Variants in TRAPPC8 observed in about 807,000 individuals in gnomAD.
TRAPPC8 encodes the protein general sporulation gene 1 homolog.
TRAPPC8 carries 54 observed loss-of-function variants against 174.3 expected under a neutral mutation model. The observed-to-expected ratio is 0.31, with a 90% CI of 0.25 to 0.39. TRAPPC8 has a LOEUF of 0.39. Among genes scored for constraint, TRAPPC8 ranks in the 10% least tolerant of loss-of-function variants. The pLI, the probability that TRAPPC8 is intolerant of heterozygous loss-of-function variation, is 1.00. For missense variants in TRAPPC8, 1,531 were observed against 1,699.1 expected, an observed-to-expected ratio of 0.90 and a Z score of 1.74; for synonymous variants, 630 against 579.9, an observed-to-expected ratio of 1.09 and a Z score of -1.24.
At chr18:31,856,182 A>G (rs1308052472) in intron 20 of TRAPPC8, among the ~76,000 whole-genome samples, 1 of 151,772 alleles carries the variant, frequency 6.6e-6, no homozygotes, top group Non-Finnish European at 1.5e-5. Context: ...TCAGCTCACC[A>G]CTGCAACCTC....
chr18:31,896,276 A>T (rs1226241005), intron 11 of TRAPPC8: 1 of 152,234 alleles, frequency 6.6e-6, no homozygotes. Flanking sequence ...CTAGAACAGT[A>T]GAAGTTTAAG....
chr18:31,873,393 G>T lies in TRAPPC8; in HGVS notation c.2062+37C>A. 3.4e-6 allele frequency: 5 copies of T among 1,487,926 alleles called. No individual in the cohort carries two copies. The South Asian group carries it at 4.8e-5, about 14-fold the overall frequency. The allele number at this position is 1,487,926 out of a possible 1,614,324, so 92.2% of individuals were successfully genotyped here. ...AAGGAAAAGAAGTTTTTTTTAAATT[G>T]TCATTAGGTAATTAGGCTAAATAAA... On this transcript the variant is annotated intron_variant, in intron 14 of 28. Transcript: ENST00000283351.
chr18:31,873,235 T>C (rs2034973310), intron 14 of TRAPPC8, among the ~76,000 whole-genome samples, 195 bp downstream of exon 14: 1 of 152,014 alleles, frequency 6.6e-6, no homozygotes, highest in South Asian at 2.1e-4. Flanking sequence ...GCCAGGATGG[T>C]CTCGATCTCC....
intron 9 of TRAPPC8, among the ~76,000 whole-genome samples, chr18:31,907,195 C>T (rs1402590588): frequency 6.6e-6 from 1 of 152,024 alleles, no homozygotes; most frequent in African/African-American, 2.4e-5. Flanking sequence ...GTTGCTCAGG[C>T]TGGTCTCAAA....
chr18:31,851,739 T>A (rs985384678), intron 24 of TRAPPC8, among the ~76,000 whole-genome samples: 1 of 152,156 alleles, frequency 6.6e-6, no homozygotes, highest in Non-Finnish European at 1.5e-5. Flanking sequence ...TGGAGTCTTA[T>A]GTATCTACCT....
At chr18:31,884,699 G>A (rs2035617780) in intron 12 of TRAPPC8, among the ~76,000 whole-genome samples, 2 of 152,128 alleles carry the variant, frequency 1.3e-5, no homozygotes, top group Middle Eastern at 3.4e-3. Context: ...TGTCTTTGAG[G>A]GGGTTTTTTA....
In TRAPPC8 at chr18:31,874,424, C is replaced by T. The variant is rs750498816; in HGVS notation, c.1953+56G>A. ...CGTAAGATATGGTAATAAATAAATACTTTCACACTAAAATACAGTTTTAAT... is the reference window on the plus strand; with the variant it reads ...CGTAAGATATGGTAATAAATAAATATTTTCACACTAAAATACAGTTTTAAT... On this transcript the variant is annotated intron_variant, in intron 13 of 28. Coordinates refer to ENST00000283351, the MANE Select transcript of TRAPPC8 (RefSeq NM_014939.5). The T allele has an allele frequency of 1.3e-5, 20 of 1,482,210 alleles. No homozygotes were observed. In the Admixed American group the frequency reaches 1.5e-4, roughly 11 times the overall value. 91.8% of individuals were successfully genotyped at this position (1,482,210 alleles called of 1,614,324 possible).
rs1174121089 is a variant in TRAPPC8 at position 31,829,832 on chromosome 18, C to T, written c.*923G>A. 1 of 152,560 alleles carries T rather than the reference C, an allele frequency of 6.6e-6. No homozygotes were observed. Among genetic ancestry groups the T allele is most frequent in the Non-Finnish European group, 1.5e-5 (1 of 68,044 alleles). The allele number at this position is 152,560 out of a possible 1,614,324, so 9.5% of individuals were successfully genotyped here. ...TTGAAACAACCTTGCTCCCATTTCT[C>T]TATCTGCAGCAGGGCTGAATTGAAA... On this transcript the variant is annotated 3_prime_UTR_variant, in exon 29 of 29. Transcript: ENST00000283351.
In TRAPPC8 at chr18:31,942,699, C is replaced by A. The variant is rs1309211060; in HGVS notation, c.66G>T (p.Ala22=). Residue 22 remains alanine, a synonymous_variant, in exon 1 of 29, where the codon GCG becomes GCT. Transcript: ENST00000283351. Reference sequence around the variant, plus strand: ...GCCGCTCGGCTTCGTCGCTGCACAGCGCAGCGACACAGGGGACGAAGGAGT... The same window carrying A: ...GCCGCTCGGCTTCGTCGCTGCACAGAGCAGCGACACAGGGGACGAAGGAGT... The part of the protein sequence containing the change: ...IPDSFVPCVA[A]LCSDEAERLT... The A allele has an allele frequency of 6.2e-7, 1 of 1,607,602 alleles. No homozygotes were observed. The highest frequency in any genetic ancestry group is 2.2e-5 in the East Asian group (1 of 44,520).
intron 20 of TRAPPC8, among the ~76,000 whole-genome samples, chr18:31,856,620 T>C (rs2034028031): frequency 6.6e-6 from 1 of 152,078 alleles, no homozygotes; most frequent in East Asian, 1.9e-4. Flanking sequence ...TATATAAGCT[T>C]TACATTTCAA....
intron 16 of TRAPPC8, chr18:31,870,102 A>T (rs111901691): frequency 0.26 from 49,091 of 191,944 alleles, 7,009 homozygotes; most frequent in Middle Eastern, 0.37. Context: ...AAAAAAAAAA[A>T]AAATAAAAAC....
chr18:31,864,646 T>C lies in TRAPPC8; in HGVS notation c.2726A>G (p.Glu909Gly). 1 of 1,612,202 alleles carries C rather than the reference T, an allele frequency of 6.2e-7. No individual in the cohort carries two copies. Among genetic ancestry groups the C allele is most frequent in the Non-Finnish European group, 8.5e-7 (1 of 1,179,308 alleles). The change falls in exon 19 of 29, where the codon GAA becomes GGA. Residue 909 changes from glutamate to glycine, a missense_variant. Coordinates refer to ENST00000283351, the MANE Select transcript of TRAPPC8 (RefSeq NM_014939.5). ...PDRRLDPIIT[E>G]EMPLLEVFFI... is the part of the protein sequence containing the mutation. Reference sequence around the variant, plus strand: ...AAATACCTCCAACAGTGGCATTTCTTCTGTGATTATGGGATCTAAACGTCG... The same window carrying C: ...AAATACCTCCAACAGTGGCATTTCTCCTGTGATTATGGGATCTAAACGTCG...
chr18:31,850,508 GA>G (rs1469288963), intron 24 of TRAPPC8, among the ~76,000 whole-genome samples: 1 of 152,132 alleles, frequency 6.6e-6, no homozygotes, highest in Non-Finnish European at 1.5e-5. Flanking sequence ...GAAAGCATGA[GA>G]TAAGAATTTT....
rs2032256543 is a variant in TRAPPC8, at chr18:31,829,900, T to C, written c.*855A>G. 2 of 152,670 alleles carry C rather than the reference T, an allele frequency of 1.3e-5. No homozygotes were observed. 9.5% of individuals were successfully genotyped at this position (152,670 alleles called of 1,614,324 possible). On this transcript the variant is annotated 3_prime_UTR_variant, in exon 29 of 29. Transcript: ENST00000283351. Reference sequence around the variant, plus strand: ...CCCATTCTCTGAATAAAAAAATATTTTGAAACCAGACTTTCTAATCAACAG... The same window carrying C: ...CCCATTCTCTGAATAAAAAAATATTCTGAAACCAGACTTTCTAATCAACAG...
At chr18:31,933,909 G>A (rs951223508) in intron 1 of TRAPPC8, among the ~76,000 whole-genome samples, 16 of 152,090 alleles carry the variant, frequency 1.1e-4, no homozygotes, top group South Asian at 1.0e-3. Context: ...ACATGCAGCC[G>A]GGCATGGTGT....
At chr18:31,907,351 G>A in intron 9 of TRAPPC8, 109 bp downstream of exon 9, 1 of 1,099,010 alleles carries the variant, frequency 9.1e-7, no homozygotes, top group South Asian at 2.0e-5. Context: ...AGTACTATAT[G>A]CTCTTTGAGT....
At position 31,855,799 on chromosome 18, in the gene TRAPPC8, A is replaced by G. The variant is rs142176583; in HGVS notation, c.3197T>C (p.Ile1066Thr). Residue 1066 changes from isoleucine (I) to threonine (T), a missense_variant, in exon 21 of 29, where the codon ATA (isoleucine) becomes ACA (threonine). Ile to Thr is a moderately conservative substitution (Grantham distance 89, BLOSUM62 -1). Transcript: ENST00000283351. ...VKKQPKIRHR[I>T]LRHTAIICTS... ...ACAAATAATTGCAGTGTGTCTTAAT[A>G]TTCTGTGCCTGAAGTTAAAAAAAAA... The G allele has an allele frequency of 2.5e-5, 39 of 1,584,228 alleles. No individual in the cohort carries two copies. In the African/African-American group the frequency reaches 5.5e-4, roughly 22 times the overall value.
rs768476324 is a variant in TRAPPC8, at chr18:31,873,466, G to A, written c.2026C>T (p.Arg676Trp). 10 of 1,613,214 alleles carry A rather than the reference G, an allele frequency of 6.2e-6. No homozygotes were observed. Among genetic ancestry groups the A allele is most frequent in the African/African-American group, 2.7e-5 (2 of 74,826 alleles). ...PLPYINSSAT[R>W]VFFGHDRRPA... is the part of the protein sequence containing the mutation. Reference sequence around the variant, plus strand: ...CGTCTGTCATGGCCAAAAAAAACCCGTGTTGCTGAACTGTTAATATACGGT... The same window carrying A: ...CGTCTGTCATGGCCAAAAAAAACCCATGTTGCTGAACTGTTAATATACGGT... The change falls in exon 14 of 29, where the codon CGG becomes TGG. Residue 676 changes from arginine (R) to tryptophan (W), a missense_variant. Arg to Trp is a moderately radical substitution (Grantham distance 101). Transcript: ENST00000283351.
At chr18:31,853,432 T>G (rs567552518) in intron 22 of TRAPPC8, among the ~76,000 whole-genome samples, 91 of 152,182 alleles carry the variant, frequency 6.0e-4, no homozygotes, top group African/African-American at 2.0e-3. Flanking sequence ...CACGCCCAGC[T>G]AATTTTTGTA....
Sources: gnomAD v4.1 joint callset for allele counts (sites outside exome capture counted in the v4.1 genomes callset) on GRCh38, gnomAD v4.1.1 for gene constraint, MANE v1.5 for transcripts, NCBI Gene and HGNC (gene_info 2026-07-23, HGNC 2026-07-21) for gene names.